Variants in FRMD6 observed in about 807,000 individuals in gnomAD.
The protein encoded by FRMD6 is FERM domain containing 6.
In FRMD6, 37 loss-of-function variants were observed where a neutral mutation model predicts 73.2. The ratio of observed to expected loss-of-function variants is 0.51; its 90% CI spans 0.39 to 0.66. The LOEUF (loss-of-function observed/expected upper bound fraction) is 0.66. Among genes scored for constraint, FRMD6 ranks in the 30% least tolerant of loss-of-function variants. The probability of loss-of-function intolerance (pLI) is 0.00; values close to 1 mark genes in which losing one functional copy is unlikely to be tolerated. For synonymous variants in FRMD6, 273 were observed against 282.2 expected (o/e 0.97, Z 0.33); for missense variants, 714 against 780.5 (o/e 0.91, Z 1.02).
At chr14:51,613,276 G>A (rs1484563436) in intron 2 of FRMD6, among the ~76,000 whole-genome samples, 3 of 152,146 alleles carry the variant, frequency 2.0e-5, no homozygotes, top group Non-Finnish European at 2.9e-5. Flanking sequence ...ACACAAACAG[G>A]TGTATTCAAG....
chr14:51,690,354 A>C (rs1895464826), intron 2 of FRMD6, among the ~76,000 whole-genome samples: 1 of 152,098 alleles, frequency 6.6e-6, no homozygotes, highest in Admixed American at 6.5e-5. Flanking sequence ...GACTACAATT[A>C]CTTTTGCACC....
At chr14:51,713,027 T>C (rs1897029790) in intron 9 of FRMD6, among the ~76,000 whole-genome samples, 1 of 152,194 alleles carries the variant, frequency 6.6e-6, no homozygotes. Context: ...ACTCTTACAA[T>C]ATTGAGAATG....
chr14:51,505,338 C>A (rs1883894841), intron 1 of FRMD6, among the ~76,000 whole-genome samples: 1 of 152,116 alleles, frequency 6.6e-6, no homozygotes, highest in Admixed American at 6.5e-5. Flanking sequence ...CCAACAAATA[C>A]CCTTTTAGAA....
At chr14:51,430,049 A>G in the FRMD6 span, among the ~76,000 whole-genome samples, 24 of 152,350 alleles carry the variant, frequency 1.6e-4, no homozygotes, top group Admixed American at 1.4e-3. Context: ...AGAAAAAGAA[A>G]TAAAATTGAA....
chr14:51,549,745 G>A (rs905412305), intron 1 of FRMD6, among the ~76,000 whole-genome samples: 11 of 151,756 alleles, frequency 7.2e-5, no homozygotes, highest in African/African-American at 2.4e-4. Flanking sequence ...ACAGGCGCCC[G>A]CCGCCTCGCC....
chr14:51,712,291 T>C (rs1896986890), intron 8 of FRMD6, among the ~76,000 whole-genome samples, 192 bp from the exon 9 acceptor site: 1 of 152,234 alleles, frequency 6.6e-6, no homozygotes, highest in South Asian at 2.1e-4. Context: ...GTTAATACAG[T>C]CACACAGGAA....
the FRMD6 span, among the ~76,000 whole-genome samples, chr14:51,416,471 G>C: frequency 6.6e-6 from 1 of 152,216 alleles, no homozygotes; most frequent in African/African-American, 2.4e-5. Context: ...TTTTGAGTGA[G>C]CTTCTTAATC....
chr14:51,469,469 C>T, the FRMD6 span, among the ~76,000 whole-genome samples: 2 of 150,684 alleles, frequency 1.3e-5, no homozygotes, highest in African/African-American at 4.9e-5. Flanking sequence ...AAAACTTAGC[C>T]GAGCGTGGTG....
the FRMD6 span, among the ~76,000 whole-genome samples, chr14:51,481,818 C>A: frequency 6.6e-6 from 1 of 152,206 alleles, no homozygotes; most frequent in East Asian, 1.9e-4. Context: ...CGGGCCCCTC[C>A]AAATGCTTCC....
chr14:51,569,883 TC>T (rs1888015904), intron 1 of FRMD6, among the ~76,000 whole-genome samples: 1 of 151,706 alleles, frequency 6.6e-6, no homozygotes, highest in Admixed American at 6.6e-5. Flanking sequence ...TGGCGCGATC[TC>T]GGCTCACTGC....
chr14:51,605,152 T>A (rs1366092559), intron 2 of FRMD6, among the ~76,000 whole-genome samples: 1 of 149,630 alleles, frequency 6.7e-6, no homozygotes, highest in Non-Finnish European at 1.5e-5. Flanking sequence ...TTTTTTTTTT[T>A]TTTTTTATTG....
At chr14:51,673,187 C>A (rs1282946958) in intron 1 of FRMD6, among the ~76,000 whole-genome samples, 1 of 152,132 alleles carries the variant, frequency 6.6e-6, no homozygotes, top group Non-Finnish European at 1.5e-5. Context: ...GGAATGAGAA[C>A]TATGCCCAGC....
chr14:51,493,425 G>T (rs897803893), intron 1 of FRMD6, among the ~76,000 whole-genome samples: 2 of 152,108 alleles, frequency 1.3e-5, no homozygotes, highest in African/African-American at 4.8e-5. Flanking sequence ...TTCCTGTGCC[G>T]TTCTTGTGAT....
intron 2 of FRMD6, among the ~76,000 whole-genome samples, chr14:51,646,443 C>A (rs1286133803): frequency 6.6e-6 from 1 of 151,580 alleles, no homozygotes; most frequent in Non-Finnish European, 1.5e-5. Flanking sequence ...TCAGAGCGTG[C>A]CTGAGACATA....
At chr14:51,499,011 G>A (rs1883457787) in intron 1 of FRMD6, among the ~76,000 whole-genome samples, 1 of 152,208 alleles carries the variant, frequency 6.6e-6, no homozygotes, top group African/African-American at 2.4e-5. Context: ...TTCCACCCAT[G>A]CTTGCTCAAT....
At chr14:51,589,441 C>G (rs1889247052) in intron 2 of FRMD6, among the ~76,000 whole-genome samples, 1 of 151,802 alleles carries the variant, frequency 6.6e-6, no homozygotes. Flanking sequence ...CAAGAAACTG[C>G]AACATCTAAG....
upstream of FRMD6, chr14:51,651,879 G>GC (rs1892422059): frequency 6.6e-6 from 1 of 151,288 alleles, no homozygotes; most frequent in Non-Finnish European, 1.5e-5. Context: ...GACGCGGAGC[G>GC]CCCCTCTGGC....
chr14:51,723,563 C>T (rs1292920052), intron 12 of FRMD6, among the ~76,000 whole-genome samples: 2 of 151,780 alleles, frequency 1.3e-5, no homozygotes, highest in Non-Finnish European at 1.5e-5. Context: ...GGTGGATCAC[C>T]TGAGGTCAGG....
At position 51,585,960 on chromosome 14, in the gene FRMD6, T is replaced by TATATATATATATAA. The variant is rs369811499; in HGVS notation, c.-147+15551_-147+15552insTATATATATATAAA. ...GTGTGTATATATATATATATATATA[T>TATATATATATATAA]AACATTTTCTTTATCAAACCTTTGT... On this transcript the variant is annotated intron_variant, in intron 2 of 14. Coordinates refer to the FRMD6 transcript ENST00000356218. Among the ~76,000 whole-genome samples, 631 of 90,992 alleles carry TATATATATATATAA rather than the reference T, an allele frequency of 6.9e-3. 56 individuals are homozygous for TATATATATATATAA. Among genetic ancestry groups the TATATATATATATAA allele is most frequent in the East Asian group, 0.013 (30 of 2,352 alleles). 59.7% of individuals were successfully genotyped at this position (90,992 alleles called of 152,430 possible).
Sources: allele counts gnomAD v4.1 joint callset (sites outside exome capture counted in the v4.1 genomes callset), GRCh38; gene constraint gnomAD v4.1.1; transcripts MANE v1.5; gene names NCBI Gene and HGNC (gene_info 2026-07-23, HGNC 2026-07-21).